The following SUCLG2 variants were observed in gnomAD, a reference collection of about 807,000 sequenced individuals.
SUCLG2 encodes succinate--CoA ligase [GDP-forming] subunit beta, mitochondrial.
In SUCLG2, 42 loss-of-function variants were observed where a neutral mutation model predicts 47.9. The ratio of observed to expected loss-of-function variants is 0.88; its 90% CI spans 0.69 to 1.14. The LOEUF is 1.14. Ranked by LOEUF, SUCLG2 falls within the 50% of genes most tolerant of loss-of-function variation. SUCLG2 has a pLI of 0.00. For synonymous variants in SUCLG2, 195 were observed against 197.3 expected, an observed-to-expected ratio of 0.99 and a Z score of 0.10; for missense variants, 571 against 525.9, an observed-to-expected ratio of 1.09 and a Z score of -0.84.
At chr3:67,473,061 C>T (rs889374756) in intron 9 of SUCLG2, among the ~76,000 whole-genome samples, 5 of 151,946 alleles carry the variant, frequency 3.3e-5, no homozygotes, top group Admixed American at 3.3e-4. Flanking sequence ...ACAGTATGAT[C>T]TAGACTTTAA....
At chr3:67,609,792 C>T (rs1559594818) in intron 1 of SUCLG2, among the ~76,000 whole-genome samples, 196 bp from the exon 2 acceptor site, 1 of 152,078 alleles carries the variant, frequency 6.6e-6, no homozygotes, top group Non-Finnish European at 1.5e-5. Flanking sequence ...GACAACTACA[C>T]ACACACAAAT....
rs77995701 is a variant in SUCLG2, at chr3:67,588,820, G to A, written c.226+20635C>T. Among the ~76,000 whole-genome samples, 1,508 of 152,288 alleles carry A rather than the reference G, an allele frequency of 9.9e-3. 8 individuals are homozygous for A. Among genetic ancestry groups the A allele is most frequent in the Non-Finnish European group, 0.016 (1,073 of 68,032 alleles). The stretch of plus-strand genomic sequence containing the variant: ...CTAAGAGATGGGGTATGTACAGCAG[G>A]GGGATTCATTTAATATTGGCAAAAT... On this transcript the variant is annotated intron_variant, in intron 2 of 10. Transcript: ENST00000307227.
intron 2 of SUCLG2, among the ~76,000 whole-genome samples, chr3:67,601,987 T>A (rs1708430799): frequency 7.7e-6 from 1 of 130,034 alleles, no homozygotes; most frequent in Non-Finnish European, 1.6e-5. Flanking sequence ...CTCAAAAAAT[T>A]AAAAAATTAA....
intron 9 of SUCLG2, among the ~76,000 whole-genome samples, chr3:67,406,910 C>T (rs1343618264): frequency 6.6e-6 from 1 of 152,134 alleles, no homozygotes; most frequent in African/African-American, 2.4e-5. Flanking sequence ...GGTTTCCTAG[C>T]TATTAAGCAG....
chr3:67,561,499 A>G (rs941977780), intron 2 of SUCLG2, among the ~76,000 whole-genome samples: 2 of 152,222 alleles, frequency 1.3e-5, no homozygotes, highest in Non-Finnish European at 1.5e-5. Flanking sequence ...GCTTAGCAAC[A>G]GCAGCCCCCT....
At chr3:67,414,300 T>C (rs1355641577) in intron 9 of SUCLG2, among the ~76,000 whole-genome samples, 1 of 152,232 alleles carries the variant, frequency 6.6e-6, no homozygotes, top group Non-Finnish European at 1.5e-5. Flanking sequence ...CTTGGCAGAT[T>C]TGAGAACAGG....
At chr3:67,434,420 G>C (rs530385950) in intron 9 of SUCLG2, among the ~76,000 whole-genome samples, 3 of 152,236 alleles carry the variant, frequency 2.0e-5, no homozygotes, top group Non-Finnish European at 2.9e-5. Context: ...CCAGCTACTG[G>C]GGAGGCTGAG....
chr3:67,647,106 C>A (rs1701205460), intron 1 of SUCLG2, among the ~76,000 whole-genome samples: 1 of 152,032 alleles, frequency 6.6e-6, no homozygotes, highest in African/African-American at 2.4e-5. Flanking sequence ...AGACAGCCCA[C>A]AAATGGAAAT....
At chr3:67,366,787 T>C (rs756752349) in intron 10 of SUCLG2, among the ~76,000 whole-genome samples, 1 of 152,294 alleles carries the variant, frequency 6.6e-6, no homozygotes, top group South Asian at 2.1e-4. Context: ...CTTTTTTGTA[T>C]ACTCAGGAGG....
chr3:67,555,978 T>G (rs547579262), intron 2 of SUCLG2, among the ~76,000 whole-genome samples: 1 of 152,302 alleles, frequency 6.6e-6, no homozygotes, highest in African/African-American at 2.4e-5. Flanking sequence ...TATAAACACT[T>G]GACTATCATT....
intron 9 of SUCLG2, among the ~76,000 whole-genome samples, chr3:67,488,474 C>G (rs1161302084): frequency 6.6e-6 from 1 of 152,216 alleles, no homozygotes; most frequent in African/African-American, 2.4e-5. Context: ...GGAAAGGAAT[C>G]AGTCCAAAGG....
At chr3:67,411,562 A>C (rs1702934171) in intron 9 of SUCLG2, among the ~76,000 whole-genome samples, 1 of 152,206 alleles carries the variant, frequency 6.6e-6, no homozygotes, top group Non-Finnish European at 1.5e-5. Context: ...TTTCTTATAG[A>C]CTAAAATTTA....
chr3:67,477,205 G>C (rs139390850), intron 9 of SUCLG2, among the ~76,000 whole-genome samples: 1 of 152,244 alleles, frequency 6.6e-6, no homozygotes, highest in East Asian at 1.9e-4. Flanking sequence ...CCCATCCCAA[G>C]AAGTTGATTT....
At chr3:67,560,739 C>A (rs191491582) in intron 2 of SUCLG2, among the ~76,000 whole-genome samples, 4 of 152,000 alleles carry the variant, frequency 2.6e-5, no homozygotes, top group Non-Finnish European at 2.9e-5. Context: ...CTAGTGCCTC[C>A]TCCAAGTAAC....
chr3:67,571,795 C>T (rs1707618528), intron 2 of SUCLG2, among the ~76,000 whole-genome samples: 1 of 152,190 alleles, frequency 6.6e-6, no homozygotes, highest in African/African-American at 2.4e-5. Context: ...ATGTAGGACT[C>T]CTGGATCTCA....
At chr3:67,623,050 T>G (rs573405037) in intron 1 of SUCLG2, among the ~76,000 whole-genome samples, 2 of 152,258 alleles carry the variant, frequency 1.3e-5, no homozygotes, top group South Asian at 4.1e-4. Context: ...TCCTGAAAAT[T>G]AAGTCACTGC....
intron 1 of SUCLG2, among the ~76,000 whole-genome samples, chr3:67,633,154 C>A (rs903462582): frequency 6.6e-6 from 1 of 152,074 alleles, no homozygotes; most frequent in African/African-American, 2.4e-5. Context: ...AAAACAAAAT[C>A]AAGAACAAAT....
chr3:67,419,656 A>G (rs75821024), intron 9 of SUCLG2, among the ~76,000 whole-genome samples: 1 of 152,274 alleles, frequency 6.6e-6, no homozygotes, highest in East Asian at 1.9e-4. Flanking sequence ...CCCCCAATTT[A>G]TGACAGTATG....
intron 10 of SUCLG2, among the ~76,000 whole-genome samples, chr3:67,383,234 T>C (rs935005619): frequency 6.6e-6 from 1 of 152,210 alleles, no homozygotes; most frequent in Non-Finnish European, 1.5e-5. Flanking sequence ...CCAAGGACTA[T>C]TGCAAATTAT....
Sources: allele counts gnomAD v4.1 joint callset (sites outside exome capture counted in the v4.1 genomes callset), GRCh38; gene constraint gnomAD v4.1.1; transcripts MANE v1.5; gene names NCBI Gene and HGNC (gene_info 2026-07-23, HGNC 2026-07-21).